The following SEM1 variants were observed in gnomAD, a reference collection of about 807,000 sequenced individuals.
The protein encoded by SEM1 is SEM1 26S proteasome subunit, also known as 26S proteasome complex subunit SEM1.
In SEM1, 3 loss-of-function variants were observed where a neutral mutation model predicts 12.7. That is an observed-to-expected ratio of 0.24 (90% CI 0.11 to 0.61). The LOEUF (loss-of-function observed/expected upper bound fraction) is 0.61, where lower values mean the gene tolerates loss of function less well. Ranked by LOEUF, SEM1 falls within the 20% of genes least tolerant of loss-of-function variation. SEM1 has a pLI of 0.88. For missense variants in SEM1, 59 were observed against 81.3 expected (o/e 0.73, Z 1.06); for synonymous variants, 30 against 27.8 (o/e 1.08, Z -0.25).
At chr7:96,638,901 C>T (rs1184738531) in intron 2 of SEM1, among the ~76,000 whole-genome samples, 4 of 151,934 alleles carry the variant, frequency 2.6e-5, no homozygotes, top group Admixed American at 2.6e-4. Context: ...TCTGCCCTTA[C>T]CAATTGTGTG....
chr7:96,483,979 A>G (rs1190246461), exon 4 of SEM1: 3 of 1,517,240 alleles, frequency 2.0e-6, no homozygotes, highest in South Asian at 2.5e-5. Context: ...CAGTGGAAAG[A>G]GTCAGGGACC....
intron 2 of SEM1, among the ~76,000 whole-genome samples, chr7:96,538,621 C>G (rs1329604340): frequency 6.6e-6 from 1 of 151,764 alleles, no homozygotes. Context: ...TATACTGAAG[C>G]CCTGTTAATG....
chr7:96,705,359 C>CT (rs1790418028), intron 1 of SEM1, among the ~76,000 whole-genome samples: 2 of 142,192 alleles, frequency 1.4e-5, no homozygotes, highest in Non-Finnish European at 3.0e-5. Flanking sequence ...GCTTCTCTCT[C>CT]AAAAAAAAAA....
intron 2 of SEM1, among the ~76,000 whole-genome samples, chr7:96,658,732 T>C (rs1007840805): frequency 1.3e-5 from 2 of 152,214 alleles, no homozygotes; most frequent in African/African-American, 4.8e-5. Flanking sequence ...GGCTACTCCC[T>C]GTGCCTCTGA....
chr7:96,569,793 T>A (rs1805960159), intron 2 of SEM1, among the ~76,000 whole-genome samples: 1 of 152,146 alleles, frequency 6.6e-6, no homozygotes, highest in Non-Finnish European at 1.5e-5. Context: ...ACATGAGGTT[T>A]TGACTTTGTT....
At chr7:96,635,146 G>A (rs1046435693) in intron 2 of SEM1, among the ~76,000 whole-genome samples, 4 of 152,038 alleles carry the variant, frequency 2.6e-5, no homozygotes, top group African/African-American at 9.7e-5. Flanking sequence ...ATTGAATTGG[G>A]ACACTGAAGA....
At chr7:96,548,467 T>A (rs970332105) in intron 2 of SEM1, among the ~76,000 whole-genome samples, 11 of 152,108 alleles carry the variant, frequency 7.2e-5, no homozygotes, top group Admixed American at 6.6e-4. Flanking sequence ...TGAATCAGAA[T>A]CTGTATTTTA....
chr7:96,486,530 C>T (rs1168399505), intron 1 of SEM1: 5 of 832,452 alleles, frequency 6.0e-6, no homozygotes, highest in African/African-American at 3.4e-5. Context: ...TTTTAAGCAG[C>T]CTCCTTGAGT....
At chr7:96,681,404 C>T (rs1343513105) in intron 2 of SEM1, among the ~76,000 whole-genome samples, 2 of 152,040 alleles carry the variant, frequency 1.3e-5, no homozygotes, top group African/African-American at 2.4e-5. Context: ...AGTGATAGTA[C>T]TAATAATAGT....
In SEM1 at chr7:96,519,352, C is replaced by T. The variant is rs559983458; in HGVS notation, c.171-12654G>A. Among the ~76,000 whole-genome samples the T allele has an allele frequency of 2.2e-4, 33 of 152,240 alleles. No homozygotes were observed. The South Asian group carries it at 6.0e-3, about 28-fold the overall frequency. ...AACAATAAAAACCCAATTTCCTCTC[C>T]TCTTAGGACTTAATTCTAGAAAGAA... On this transcript the variant is annotated intron_variant and NMD_transcript_variant, in intron 2 of 3. Transcript: ENST00000466986.
chr7:96,530,380 A>G (rs1038901597), intron 2 of SEM1, among the ~76,000 whole-genome samples: 1 of 152,090 alleles, frequency 6.6e-6, no homozygotes, highest in African/African-American at 2.4e-5. Context: ...TGAGGGCCCC[A>G]TGGAGGTCTC....
Position 96,533,584 on chromosome 7 carries a change from A to G in SEM1, c.171-26886T>C, listed in dbSNP as rs191917602. On this transcript the variant is annotated intron_variant and NMD_transcript_variant, in intron 2 of 3. Transcript: ENST00000466986. ...AAATCCATCATAAGCTTGTGAAGGTAGCAGAAACGGCAGGCGCTGAATTAT... is the reference window on the plus strand; with the variant it reads ...AAATCCATCATAAGCTTGTGAAGGTGGCAGAAACGGCAGGCGCTGAATTAT... 7.9e-5 allele frequency among the ~76,000 whole-genome samples: 12 copies of G among 152,170 alleles called. No homozygotes were observed. In the East Asian group the frequency reaches 2.1e-3, roughly 27 times the overall value.
downstream of SEM1, among the ~76,000 whole-genome samples, chr7:96,620,753 A>G (rs781012260): frequency 6.6e-6 from 1 of 152,052 alleles, no homozygotes. Context: ...TGGAGGGCGC[A>G]TGTACTCCTT....
At chr7:96,651,178 G>A (rs1808970241) in intron 2 of SEM1, among the ~76,000 whole-genome samples, 2 of 152,162 alleles carry the variant, frequency 1.3e-5, no homozygotes, top group South Asian at 2.1e-4. Flanking sequence ...CTTGTGGCCA[G>A]TGGTAATAAA....
At chr7:96,524,139 G>C (rs774898980) in intron 2 of SEM1, among the ~76,000 whole-genome samples, 93 of 152,176 alleles carry the variant, frequency 6.1e-4, no homozygotes, top group Non-Finnish European at 5.6e-4. Flanking sequence ...GCTTTTGTGA[G>C]GGTTTTCTGG....
intron 2 of SEM1, among the ~76,000 whole-genome samples, chr7:96,624,715 AG>A (rs142485800): frequency 0.013 from 1,995 of 152,208 alleles, 42 homozygotes; most frequent in African/African-American, 0.046. Flanking sequence ...TCTCTTAGAA[AG>A]GGGGCACAGG....
At chr7:96,542,424 C>T (rs567777524) in intron 2 of SEM1, among the ~76,000 whole-genome samples, 1 of 151,866 alleles carries the variant, frequency 6.6e-6, no homozygotes, top group Admixed American at 6.6e-5. Context: ...TATAGAAATG[C>T]TGCTGGCTTT....
intron 2 of SEM1, among the ~76,000 whole-genome samples, chr7:96,543,401 G>A (rs1160482219): frequency 6.6e-6 from 1 of 151,780 alleles, no homozygotes; most frequent in Non-Finnish European, 1.5e-5. Context: ...AATCCCCCAT[G>A]TATACTGAGA....
chr7:96,549,524 T>G (rs1244412518), intron 2 of SEM1, among the ~76,000 whole-genome samples: 3 of 152,196 alleles, frequency 2.0e-5, no homozygotes, highest in Non-Finnish European at 4.4e-5. Context: ...TTTAGATTAA[T>G]ATGAGCAGGG....
Sources: gnomAD v4.1 joint callset for allele counts (sites outside exome capture counted in the v4.1 genomes callset) on GRCh38, gnomAD v4.1.1 for gene constraint, MANE v1.5 for transcripts, NCBI Gene and HGNC (gene_info 2026-07-23, HGNC 2026-07-21) for gene names.